Variants in GABRP observed in about 807,000 individuals in gnomAD.
GABRP encodes the protein gamma-aminobutyric acid type A receptor subunit pi, also known as gamma-aminobutyric acid receptor subunit pi.
A neutral mutation model predicts 47.8 loss-of-function variants in GABRP; 52 were observed. The ratio of observed to expected loss-of-function variants is 1.09; its 90% CI spans 0.87 to 1.37. The LOEUF (loss-of-function observed/expected upper bound fraction) is 1.37. GABRP is among the 40% of genes most tolerant of loss of function. The pLI is 0.00. For synonymous variants in GABRP, 221 were observed against 205.8 expected (o/e 1.07, Z -0.63); for missense variants, 525 against 542.8 (o/e 0.97, Z 0.33).
At chr5:170,809,312 G>A (rs1418494914) in intron 8 of GABRP, among the ~76,000 whole-genome samples, 1 of 152,030 alleles carries the variant, frequency 6.6e-6, no homozygotes, top group East Asian at 1.9e-4. Flanking sequence ...TCTATTGTCA[G>A]TTCTTTTGCA....
chr5:170,808,942 GT>G (rs150989217), intron 8 of GABRP, among the ~76,000 whole-genome samples, 190 bp downstream of exon 8: 11 of 147,384 alleles, frequency 7.5e-5, no homozygotes, highest in Non-Finnish European at 1.2e-4. Context: ...TTTTGTTGTT[GT>G]TTTTTTTTTG....
rs78320183 is a variant in GABRP, at chr5:170,795,190, C to T, written c.241-18C>T. 3 of 1,592,984 alleles carry T rather than the reference C, an allele frequency of 1.9e-6. No individual in the cohort carries two copies. Among genetic ancestry groups the T allele is most frequent in the South Asian group, 1.1e-5 (1 of 90,544 alleles). ...CCACTACCCCCATCCATTTCCATAC[C>T]CTGCCTCCCCCTCCCAGGACTACAC... On this transcript the variant is annotated intron_variant, in intron 4 of 9. Transcript: ENST00000265294.
chr5:170,804,983 T>C (rs998911753), intron 6 of GABRP, among the ~76,000 whole-genome samples: 2 of 54,162 alleles, frequency 3.7e-5, no homozygotes, highest in African/African-American at 6.6e-4. Context: ...TATTATATAT[T>C]ATATTATATT....
intron 1 of GABRP, among the ~76,000 whole-genome samples, chr5:170,787,861 A>G (rs1443813424): frequency 1.3e-5 from 2 of 152,142 alleles, no homozygotes; most frequent in African/African-American, 4.8e-5. Context: ...ACCTGGGGAT[A>G]AATAAAAGAA....
chr5:170,795,436 A>G lies in GABRP; in HGVS notation c.458+11A>G. On this transcript the variant is annotated intron_variant, in intron 5 of 9. Coordinates refer to ENST00000265294, the MANE Select transcript of GABRP (RefSeq NM_014211.3). Reference sequence around the variant, plus strand: ...CCTGTATGCCCTCAGGTACGCGGACACCTGTGACCTCAGGGGTGGAGGACG... The same window carrying G: ...CCTGTATGCCCTCAGGTACGCGGACGCCTGTGACCTCAGGGGTGGAGGACG... 3 of 1,608,952 alleles carry G rather than the reference A, an allele frequency of 1.9e-6. No homozygotes were observed. The highest frequency in any genetic ancestry group is 2.6e-6 in the Non-Finnish European group (3 of 1,175,398).
chr5:170,805,900 G>GTGTA, intron 7 of GABRP, 47 bp downstream of exon 7: 1 of 1,595,094 alleles, frequency 6.3e-7, no homozygotes, highest in Non-Finnish European at 8.6e-7. Context: ...GTGAACTGAG[G>GTGTA]TGTAGGGTTG....
chr5:170,784,585 C>T (rs1765080996), intron 1 of GABRP, among the ~76,000 whole-genome samples: 1 of 152,066 alleles, frequency 6.6e-6, no homozygotes, highest in Non-Finnish European at 1.5e-5. Flanking sequence ...TGAGGTGGTG[C>T]CAGTTAGCTC....
intron 8 of GABRP, among the ~76,000 whole-genome samples, chr5:170,808,981 G>C (rs1268752799): frequency 6.6e-6 from 1 of 152,004 alleles, no homozygotes; most frequent in Middle Eastern, 3.2e-3. Flanking sequence ...TTGTTGCCCA[G>C]GTTGGAGTGG....
At chr5:170,805,974 T>C in intron 7 of GABRP, 121 bp downstream of exon 7, 1 of 1,131,288 alleles carries the variant, frequency 8.8e-7, no homozygotes. Context: ...AGCGGGACAG[T>C]AGGGTTTGTG....
At position 170,789,160 on chromosome 5, in the gene GABRP, G is replaced by T. The variant is rs200140579; in HGVS notation, c.85G>T (p.Glu29Ter). ...CATCCAGGGGAGTCAGTTCAACGTC[G>T]AGGTCGGCAGAAGTGACAAGCTTTC... ...MCIQGSQFNV[E>*]VGRSDKLSLP... Residue 29 changes from glutamate to a stop codon, truncating the protein, a stop_gained, in exon 3 of 10, where the codon GAG (glutamate) becomes TAG (stop). Coordinates refer to ENST00000265294, the MANE Select transcript of GABRP (RefSeq NM_014211.3). LOFTEE classifies it high-confidence loss of function. The T allele has an allele frequency of 5.6e-6, 9 of 1,614,100 alleles. No homozygotes were observed. The Admixed American group carries it at 1.5e-4, about 27-fold the overall frequency.
chr5:170,809,874 T>G, intron 9 of GABRP, 119 bp downstream of exon 9: 1 of 943,602 alleles, frequency 1.1e-6, no homozygotes, highest in East Asian at 2.5e-5. Context: ...TGTGCTCCAG[T>G]GAGTCTTATC....
rs760149892 is a variant in GABRP, at chr5:170,809,934, C to G, written c.1020+179C>G. 41 of 704,714 alleles carry G rather than the reference C, an allele frequency of 5.8e-5. No individual in the cohort carries two copies. In the African/African-American group the frequency reaches 6.5e-4, roughly 11 times the overall value. 43.7% of individuals were successfully genotyped at this position (704,714 alleles called of 1,614,324 possible). A position where few individuals can be genotyped will look rare whatever the true frequency, so the allele number is the denominator to read the frequency against. ...AGTCATGGTGCCCCTTGAAAAAGACCATTCTTTTCACCAAATACAATGAGA... is the reference window on the plus strand; with the variant it reads ...AGTCATGGTGCCCCTTGAAAAAGACGATTCTTTTCACCAAATACAATGAGA... On this transcript the variant is annotated intron_variant, in intron 9 of 9. Transcript: ENST00000265294.
At chr5:170,791,616 T>C (rs3805459) in intron 3 of GABRP, among the ~76,000 whole-genome samples, 18 of 152,298 alleles carry the variant, frequency 1.2e-4, no homozygotes, top group East Asian at 3.9e-4. Flanking sequence ...GAAAAGCCAA[T>C]TGAGGCAAAG....
chr5:170,797,367 A>G, intron 5 of GABRP, 99 bp from the exon 6 acceptor site: 1 of 752,102 alleles, frequency 1.3e-6, no homozygotes. Flanking sequence ...TTCATTTAAG[A>G]GTTCCAGTGA....
chr5:170,811,485 T>C (rs990342890), intron 9 of GABRP, among the ~76,000 whole-genome samples: 1 of 152,130 alleles, frequency 6.6e-6, no homozygotes, highest in Non-Finnish European at 1.5e-5. Flanking sequence ...TGGAACAGAA[T>C]TGAAGTCATC....
At chr5:170,788,375 A>C (rs1474683950) in intron 1 of GABRP, 199 bp from the exon 2 acceptor site, 1 of 419,848 alleles carries the variant, frequency 2.4e-6, no homozygotes, top group Non-Finnish European at 4.2e-6. Context: ...AAAAAAAAAA[A>C]AAACATAATC....
At chr5:170,798,365 T>C (rs1489739743) in intron 6 of GABRP, among the ~76,000 whole-genome samples, 3 of 152,200 alleles carry the variant, frequency 2.0e-5, no homozygotes, top group African/African-American at 7.2e-5. Context: ...TAACGGGCTC[T>C]AATAAGTTAC....
chr5:170,790,575 C>T (rs992933657), intron 3 of GABRP, among the ~76,000 whole-genome samples: 23 of 152,010 alleles, frequency 1.5e-4, no homozygotes, highest in Admixed American at 5.9e-4. Flanking sequence ...AATGAGGCAG[C>T]GGGAGAGGCA....
intron 2 of GABRP, 115 bp from the exon 3 acceptor site, chr5:170,789,014 C>T: frequency 2.6e-6 from 2 of 768,682 alleles, no homozygotes; most frequent in Non-Finnish European, 4.5e-6. Context: ...ACTGCTGGTA[C>T]ATGGGCAAGG....
Sources: allele counts gnomAD v4.1 joint callset (sites outside exome capture counted in the v4.1 genomes callset), GRCh38; gene constraint gnomAD v4.1.1; transcripts MANE v1.5; gene names NCBI Gene and HGNC (gene_info 2026-07-23, HGNC 2026-07-21).